The following UGCG variants were observed in gnomAD, a reference collection of about 807,000 sequenced individuals.
The protein encoded by UGCG is UDP-glucose ceramide glucosyltransferase, also known as ceramide glucosyltransferase.
A neutral mutation model predicts 49.5 loss-of-function variants in UGCG; 10 were observed. The ratio of observed to expected loss-of-function variants is 0.20; its 90% CI spans 0.12 to 0.34. The LOEUF (loss-of-function observed/expected upper bound fraction) is 0.34. UGCG is among the 10% of genes least tolerant of loss of function. UGCG has a pLI of 1.00. For synonymous variants in UGCG, 182 were observed against 158.2 expected (o/e 1.15, Z -1.13); for missense variants, 312 against 483.7 (o/e 0.65, Z 3.33).
chr9:111,897,396 A>C, intron 1 of UGCG, 83 bp downstream of exon 1: 1 of 1,157,292 alleles, frequency 8.6e-7, no homozygotes, highest in Non-Finnish European at 1.2e-6. Context: ...TTGCGCTTTG[A>C]AGGGGACTGG....
chr9:111,932,241 C>A lies in UGCG; in HGVS notation c.896C>A (p.Ala299Asp). The change falls in exon 8 of 9, where the codon GCC (alanine) becomes GAC (aspartate). Residue 299 changes from alanine (A) to aspartate (D), a missense_variant. By Grantham distance (126) the Ala-to-Asp change is moderately radical. Coordinates refer to ENST00000374279, the MANE Select transcript of UGCG (RefSeq NM_003358.3). ...ICEPISECFVASLIIGWAAHH... is the reference protein window; with the variant it reads ...ICEPISECFVDSLIIGWAAHH... ...GAGCCAATTTCAGAATGCTTTGTTG[C>A]CAGTTTAATTATTGGATGGGCAGCC... 6.2e-7 allele frequency: 1 copy of A among 1,614,020 alleles called. No homozygotes were observed. The highest frequency in any genetic ancestry group is 2.2e-5 in the East Asian group (1 of 44,878).
intron 1 of UGCG, among the ~76,000 whole-genome samples, chr9:111,913,728 C>T (rs1838061721): frequency 6.6e-6 from 1 of 151,840 alleles, no homozygotes; most frequent in Non-Finnish European, 1.5e-5. Flanking sequence ...AGGTGTGAGC[C>T]ACCACACCTG....
rs146453606 is a variant in UGCG, at chr9:111,902,681, C to T, written c.98+5368C>T. Among the ~76,000 whole-genome samples the T allele has an allele frequency of 5.8e-3, 888 of 152,152 alleles. 10 individuals are homozygous for T. The highest frequency in any genetic ancestry group is 0.021 in the African/African-American group (853 of 41,506). On this transcript the variant is annotated intron_variant, in intron 1 of 8. Coordinates refer to ENST00000374279, the MANE Select transcript of UGCG (RefSeq NM_003358.3). ...AAATTGGTTCAGCAGAACCACACAG[C>T]GGAATTATAAAAACAACACATTCTG...
At chr9:111,917,687 A>G (rs920168633) in intron 2 of UGCG, among the ~76,000 whole-genome samples, 1 of 152,218 alleles carries the variant, frequency 6.6e-6, no homozygotes, top group South Asian at 2.1e-4. Flanking sequence ...CTGAATTTCT[A>G]GGTTTCAATT....
chr9:111,897,709 A>C (rs1405552401), intron 1 of UGCG, among the ~76,000 whole-genome samples: 1 of 151,528 alleles, frequency 6.6e-6, no homozygotes, highest in African/African-American at 2.4e-5. Flanking sequence ...GATTGTGTCC[A>C]CTTTTCTGGG....
chr9:111,905,852 G>T (rs1726637288), intron 1 of UGCG, among the ~76,000 whole-genome samples: 2 of 152,146 alleles, frequency 1.3e-5, no homozygotes, highest in African/African-American at 4.8e-5. Context: ...ACCTTACGGT[G>T]GATGGCTTCT....
chr9:111,918,723 G>C (rs1372566897), intron 2 of UGCG, among the ~76,000 whole-genome samples: 3 of 152,028 alleles, frequency 2.0e-5, no homozygotes, highest in Non-Finnish European at 2.9e-5. Flanking sequence ...CACGAGGTCA[G>C]GAGATCGAGA....
chr9:111,897,179 G>T lies in UGCG; in HGVS notation c.-37G>T, dbSNP rs772517364. ...CTGCGGGAGCGTTGTCCGTGTTGGC[G>T]GCCGCAGCGGGCCGGGCCGGTCCGG... On this transcript the variant is annotated 5_prime_UTR_variant, in exon 1 of 9. Coordinates refer to ENST00000374279, the MANE Select transcript of UGCG (RefSeq NM_003358.3). 18 of 1,527,458 alleles carry T rather than the reference G, an allele frequency of 1.2e-5. No individual in the cohort carries two copies. The highest frequency in any genetic ancestry group is 2.8e-5 in the African/African-American group (2 of 72,282). The allele number at this position is 1,527,458 out of a possible 1,614,324, so 94.6% of individuals were successfully genotyped here. A position where few individuals can be genotyped will look rare whatever the true frequency, so the allele number is the denominator to read the frequency against.
At chr9:111,927,690 A>G (rs971126743) in intron 5 of UGCG, among the ~76,000 whole-genome samples, 2 of 152,042 alleles carry the variant, frequency 1.3e-5, no homozygotes, top group Non-Finnish European at 2.9e-5. Flanking sequence ...TGACCTCGTG[A>G]TCCACCCTCC....
At chr9:111,911,012 G>T (rs997061585) in intron 1 of UGCG, among the ~76,000 whole-genome samples, 12 of 152,190 alleles carry the variant, frequency 7.9e-5, no homozygotes, top group African/African-American at 2.9e-4. Context: ...CTTTGAAAGT[G>T]CTGGGATTGC....
At chr9:111,906,826 G>C (rs186637842) in intron 1 of UGCG, among the ~76,000 whole-genome samples, 6 of 152,222 alleles carry the variant, frequency 3.9e-5, no homozygotes, top group African/African-American at 1.2e-4. Context: ...TCCCCTGCCT[G>C]TACTTTATTC....
rs906956189 is a variant in UGCG at position 111,934,974 on chromosome 9, G to T, written c.*1977G>T. 2 of 152,172 alleles carry T rather than the reference G, an allele frequency of 1.3e-5. No homozygotes were observed. Among genetic ancestry groups the T allele is most frequent in the Non-Finnish European group, 2.9e-5 (2 of 68,042 alleles). 9.4% of individuals were successfully genotyped at this position (152,172 alleles called of 1,614,324 possible). A position where few individuals can be genotyped will look rare whatever the true frequency, so the allele number is the denominator to read the frequency against. On this transcript the variant is annotated 3_prime_UTR_variant, in exon 9 of 9. Transcript: ENST00000374279. ...TGAAGTTTGGTTGATGCCATCCTTT[G>T]CACTGCCGAAGCGTAATCTTGTGTA...
At chr9:111,923,408 C>T (rs566156846) in intron 3 of UGCG, among the ~76,000 whole-genome samples, 7 of 150,914 alleles carry the variant, frequency 4.6e-5, no homozygotes, top group Non-Finnish European at 1.0e-4. Context: ...CTCTAAAAAA[C>T]CAGTAAGTCG....
rs1319053278 is a variant in UGCG at position 111,933,744 on chromosome 9, T to C, written c.*747T>C. 6.6e-6 allele frequency: 1 copy of C among 152,212 alleles called. No individual in the cohort carries two copies. Among genetic ancestry groups the C allele is most frequent in the Non-Finnish European group, 1.5e-5 (1 of 68,034 alleles). The allele number at this position is 152,212 out of a possible 1,614,324, so 9.4% of individuals were successfully genotyped here. On this transcript the variant is annotated 3_prime_UTR_variant, in exon 9 of 9. Coordinates refer to ENST00000374279, the MANE Select transcript of UGCG (RefSeq NM_003358.3). ...AAGGCATCTTTTTGACCAACTCTTG[T>C]TGGTTCTGTCTTGAACCATTGTTAA... is the stretch of plus-strand genomic sequence containing the variant.
chr9:111,906,937 G>T (rs1048490027), intron 1 of UGCG, among the ~76,000 whole-genome samples: 1 of 152,132 alleles, frequency 6.6e-6, no homozygotes, highest in Non-Finnish European at 1.5e-5. Flanking sequence ...TTTCAGCCTT[G>T]TCTGTGAAGT....
intron 2 of UGCG, among the ~76,000 whole-genome samples, chr9:111,917,017 G>T (rs1838125061): frequency 6.6e-6 from 1 of 151,864 alleles, no homozygotes. Flanking sequence ...ATAAAAAATT[G>T]TTTTGGAAAT....
intron 3 of UGCG, 137 bp from the exon 4 acceptor site, chr9:111,924,640 T>C: frequency 1.2e-5 from 4 of 326,474 alleles, no homozygotes; most frequent in Non-Finnish European, 2.1e-5. Context: ...TTATGAATAA[T>C]AGAGAATGTT....
intron 5 of UGCG, 60 bp from the exon 6 acceptor site, chr9:111,929,440 G>A (rs943989181): frequency 6.5e-6 from 10 of 1,538,304 alleles, no homozygotes; most frequent in African/African-American, 2.8e-5. Context: ...AAAACAGTTC[G>A]TGAACACCAT....
intron 1 of UGCG, among the ~76,000 whole-genome samples, chr9:111,904,524 A>G (rs553627870): frequency 2.6e-5 from 4 of 152,302 alleles, no homozygotes; most frequent in Admixed American, 2.6e-4. Flanking sequence ...CCCTTCGGCT[A>G]GCTCTTCTTG....
Sources: gnomAD v4.1 joint callset for allele counts (sites outside exome capture counted in the v4.1 genomes callset) on GRCh38, gnomAD v4.1.1 for gene constraint, MANE v1.5 for transcripts, NCBI Gene and HGNC (gene_info 2026-07-23, HGNC 2026-07-21) for gene names.